Variants in ZNF407 observed in about 807,000 individuals in gnomAD.
ZNF407 encodes the protein zinc finger protein 407.
Under a neutral mutation model 131.2 loss-of-function variants are expected in ZNF407, and 17 were observed. That is an observed-to-expected ratio of 0.13 (90% CI 0.09 to 0.19). The LOEUF is 0.19. Ranked by LOEUF, ZNF407 falls within the 10% of genes least tolerant of loss-of-function variation. The pLI is 1.00. For synonymous variants in ZNF407, 1,156 were observed against 1,062.0 expected (o/e 1.09, Z -1.72); for missense variants, 2,681 against 2,830.6 (o/e 0.95, Z 1.20).
intron 4 of ZNF407, among the ~76,000 whole-genome samples, chr18:74,868,950 C>T (rs909870284): frequency 6.6e-6 from 1 of 152,116 alleles, no homozygotes; most frequent in African/African-American, 2.4e-5. Flanking sequence ...TAGCATGGAT[C>T]ATTGCTAGAC....
intron 8 of ZNF407, among the ~76,000 whole-genome samples, chr18:74,984,422 T>C (rs4891212): frequency 0.16 from 25,090 of 152,210 alleles, 2,256 homozygotes; most frequent in Admixed American, 0.28. Context: ...ATTTTTATTA[T>C]GTTTACAATA....
intron 6 of ZNF407, among the ~76,000 whole-genome samples, chr18:74,882,850 A>T (rs1394484145): frequency 2.0e-5 from 3 of 152,198 alleles, no homozygotes; most frequent in Admixed American, 6.5e-5. Flanking sequence ...CAGTATGCTC[A>T]TGAGGGCTTT....
chr18:74,642,786 C>CAG (rs1214628762), intron 3 of ZNF407, among the ~76,000 whole-genome samples: 2 of 151,978 alleles, frequency 1.3e-5, no homozygotes, highest in Non-Finnish European at 2.9e-5. Flanking sequence ...ATACTGTCTT[C>CAG]AGAGAGAGAG....
chr18:74,800,579 T>C (rs1970002701), intron 4 of ZNF407, among the ~76,000 whole-genome samples: 1 of 152,128 alleles, frequency 6.6e-6, no homozygotes, highest in South Asian at 2.1e-4. Context: ...CCTAATTATT[T>C]AAATTATTTT....
At chr18:74,726,829 A>C (rs185998074) in intron 3 of ZNF407, among the ~76,000 whole-genome samples, 1 of 152,270 alleles carries the variant, frequency 6.6e-6, no homozygotes, top group East Asian at 1.9e-4. Flanking sequence ...CTCAGTACTG[A>C]GTGCAGTGCT....
intron 6 of ZNF407, among the ~76,000 whole-genome samples, chr18:74,886,816 AG>A (rs1971316820): frequency 1.3e-5 from 2 of 152,156 alleles, no homozygotes; most frequent in African/African-American, 4.8e-5. Flanking sequence ...ATGGTGGCAG[AG>A]TTTCATCAAT....
At chr18:74,980,365 C>T (rs945649208) in intron 8 of ZNF407, among the ~76,000 whole-genome samples, 27 of 151,464 alleles carry the variant, frequency 1.8e-4, no homozygotes, top group African/African-American at 5.8e-4. Flanking sequence ...TGGAGTGCAA[C>T]GGCGTGACCT....
chr18:74,932,014 A>G (rs867545872), intron 8 of ZNF407, among the ~76,000 whole-genome samples: 39 of 152,236 alleles, frequency 2.6e-4, no homozygotes, highest in African/African-American at 9.1e-4. Flanking sequence ...TGTGTTTCAT[A>G]CAGAAAAGTC....
chr18:74,869,480 A>C (rs1167360292), intron 4 of ZNF407, among the ~76,000 whole-genome samples: 1 of 152,188 alleles, frequency 6.6e-6, no homozygotes, highest in African/African-American at 2.4e-5. Context: ...AATTCCTTCC[A>C]CCTGTTCTTC....
In ZNF407 at chr18:74,800,960, G is replaced by GT. The variant is rs150755503; in HGVS notation, c.4877+19467dup. Among the ~76,000 whole-genome samples, 198 of 150,546 alleles carry GT rather than the reference G, an allele frequency of 1.3e-3. No individual in the cohort carries two copies. In the Middle Eastern group the frequency reaches 0.014, roughly 10 times the overall value. ...TGTTAACAGACAGATTCATTATACC[G>GT]TTTTTTTTTAAACTCTATAAAATGT... On this transcript the variant is annotated intron_variant, in intron 4 of 8. Coordinates refer to ENST00000299687, the MANE Select transcript of ZNF407 (RefSeq NM_017757.3).
chr18:75,000,611 T>G (rs1972833714), intron 8 of ZNF407, among the ~76,000 whole-genome samples: 1 of 152,170 alleles, frequency 6.6e-6, no homozygotes, highest in Admixed American at 6.5e-5. Context: ...GCAATAACTA[T>G]GCAAAAAAAT....
chr18:74,844,317 C>T (rs1180124836), intron 4 of ZNF407, among the ~76,000 whole-genome samples: 2 of 152,168 alleles, frequency 1.3e-5, no homozygotes, highest in Non-Finnish European at 2.9e-5. Context: ...GAGCACAAGG[C>T]GCTTGCCTGT....
chr18:74,606,908 A>G (rs1982831134), intron 1 of ZNF407, among the ~76,000 whole-genome samples: 1 of 152,216 alleles, frequency 6.6e-6, no homozygotes, highest in Admixed American at 6.5e-5. Context: ...GAAAGAGAGA[A>G]ACATCTGGTG....
At chr18:74,802,725 T>TA (rs750061192) in intron 4 of ZNF407, among the ~76,000 whole-genome samples, 12 of 152,220 alleles carry the variant, frequency 7.9e-5, no homozygotes, top group Non-Finnish European at 1.8e-4. Context: ...TAACACTAAA[T>TA]ATATTTAAAT....
At chr18:74,672,968 G>GT (rs945056499) in intron 3 of ZNF407, among the ~76,000 whole-genome samples, 2 of 152,126 alleles carry the variant, frequency 1.3e-5, no homozygotes, top group African/African-American at 4.8e-5. Context: ...CCTAATATGT[G>GT]TTACTGACTT....
intron 8 of ZNF407, among the ~76,000 whole-genome samples, chr18:74,949,625 G>A (rs951472850): frequency 6.6e-6 from 1 of 152,140 alleles, no homozygotes; most frequent in Non-Finnish European, 1.5e-5. Context: ...GGAATTAGAG[G>A]GAGGGTTTCT....
In ZNF407 at chr18:75,043,360, G is replaced by T. The variant is rs553912494; in HGVS notation, c.5429-19790G>T. Among the ~76,000 whole-genome samples the T allele has an allele frequency of 2.0e-5, 3 of 152,256 alleles. No homozygotes were observed. The South Asian group carries it at 6.2e-4, about 32-fold the overall frequency. ...TAATGAGCTAAAGCAGTCCTCCTAT[G>T]CTCTGGACCTGCACAGGTCATGTGC... On this transcript the variant is annotated intron_variant, in intron 8 of 8. Coordinates refer to ENST00000299687, the MANE Select transcript of ZNF407 (RefSeq NM_017757.3).
At chr18:74,737,326 A>C (rs1179531998) in intron 3 of ZNF407, among the ~76,000 whole-genome samples, 2 of 152,208 alleles carry the variant, frequency 1.3e-5, no homozygotes, top group East Asian at 3.8e-4. Context: ...AAATAAATTC[A>C]CTCAGTGCTA....
intron 4 of ZNF407, among the ~76,000 whole-genome samples, chr18:74,869,422 A>G (rs189370430): frequency 6.6e-6 from 1 of 152,198 alleles, no homozygotes; most frequent in Admixed American, 6.5e-5. Context: ...GGGTAGTTTT[A>G]AAAAGGACAG....
Sources: gnomAD v4.1 joint callset for allele counts (sites outside exome capture counted in the v4.1 genomes callset) on GRCh38, gnomAD v4.1.1 for gene constraint, MANE v1.5 for transcripts, NCBI Gene and HGNC (gene_info 2026-07-23, HGNC 2026-07-21) for gene names.